The following KDM5B variants were observed in gnomAD, a reference collection of about 807,000 sequenced individuals.
KDM5B encodes lysine demethylase 5B.
KDM5B carries 144 observed loss-of-function variants against 193.4 expected under a neutral mutation model. The ratio of observed to expected loss-of-function variants is 0.74; its 90% confidence interval spans 0.65 to 0.86. The LOEUF (loss-of-function observed/expected upper bound fraction) is 0.86, where lower values mean the gene tolerates loss of function less well. Ranked by LOEUF, KDM5B falls within the 40% of genes least tolerant of loss-of-function variation. KDM5B has a pLI of 0.00. For missense variants in KDM5B, 1,833 were observed against 1,886.9 expected, an observed-to-expected ratio of 0.97 and a Z score of 0.53; for synonymous variants, 668 against 682.6, an observed-to-expected ratio of 0.98 and a Z score of 0.33.
chr1:202,731,816 C>T lies in KDM5B; in HGVS notation c.4021+12G>A, dbSNP rs757504555. ...TACTATCCAGCCCTCAACGTAATAA[C>T]AAAATACAAACCATGGAGGGGGATA... On this transcript the variant is annotated intron_variant, in intron 24 of 26. Coordinates refer to ENST00000367265, the MANE Select transcript of KDM5B (RefSeq NM_006618.5). The T allele has an allele frequency of 3.8e-6, 6 of 1,567,944 alleles. No homozygotes were observed. In the African/African-American group the frequency reaches 8.1e-5, roughly 21 times the overall value.
At chr1:202,794,572 G>C (rs980352539) in intron 1 of KDM5B, among the ~76,000 whole-genome samples, 1 of 152,176 alleles carries the variant, frequency 6.6e-6, no homozygotes, top group African/African-American at 2.4e-5. Context: ...TCTTAGCCTA[G>C]CTATCTACTC....
chr1:202,808,111 C>T lies in KDM5B; in HGVS notation c.195G>A (p.Arg65=). 6.2e-7 allele frequency: 1 copy of T among 1,610,750 alleles called. No homozygotes were observed. Among genetic ancestry groups the T allele is most frequent in the Non-Finnish European group, 8.5e-7 (1 of 1,178,866 alleles). ...IAEQTGICKV[R]PPPDWQPPFA... ...TGCTGGCGTGACTCACCGGCGGCGG[C>T]CGCACCTTACAGATGCCAGTCTGCT... Residue 65 remains arginine, a synonymous_variant, in exon 1 of 27, where the codon CGG becomes CGA. Transcript: ENST00000367265.
intron 4 of KDM5B, 118 bp from the exon 5 acceptor site, chr1:202,767,178 C>A (rs1014135551): frequency 1.3e-6 from 2 of 1,538,722 alleles, no homozygotes; most frequent in African/African-American, 2.7e-5. Context: ...CCAGAGGCTG[C>A]ACCTCTTAAA....
At chr1:202,804,584 G>GTTTTACACTT (rs1181824446) in intron 1 of KDM5B, among the ~76,000 whole-genome samples, 1 of 152,140 alleles carries the variant, frequency 6.6e-6, no homozygotes, top group African/African-American at 2.4e-5. Flanking sequence ...AAACATTTAA[G>GTTTTACACTT]GGCAGTTTTA....
At chr1:202,758,263 A>G (rs1176381215) in intron 9 of KDM5B, 128 bp downstream of exon 9, 4 of 626,574 alleles carry the variant, frequency 6.4e-6, no homozygotes, top group Non-Finnish European at 9.9e-6. Context: ...AAACAAATTA[A>G]AGTTTCATTC....
At position 202,801,978 on chromosome 1, in the gene KDM5B, CT is replaced by C. The variant is rs541436339; in HGVS notation, c.204+6123del. ...CTCCAGTTCCCAACCTTCATTCCAT[CT>C]TTTTTTTTTTTTGAGGCTGCCAATG... On this transcript the variant is annotated intron_variant, in intron 1 of 26. Transcript: ENST00000367265. Among the ~76,000 whole-genome samples, 1,270 of 144,410 alleles carry C rather than the reference CT, an allele frequency of 8.8e-3. 6 individuals carry two copies. Among genetic ancestry groups the C allele is most frequent in the African/African-American group, 0.021 (822 of 39,620 alleles). The allele number at this position is 144,410 out of a possible 152,430, so 94.7% of individuals were successfully genotyped here. A position where few individuals can be genotyped will look rare whatever the true frequency, so the allele number is the denominator to read the frequency against.
intron 1 of KDM5B, among the ~76,000 whole-genome samples, chr1:202,778,429 A>C (rs1657052816): frequency 6.6e-6 from 1 of 152,164 alleles, no homozygotes; most frequent in South Asian, 2.1e-4. Flanking sequence ...ATAATGATGA[A>C]AGGGTCTGGA....
chr1:202,730,122 T>C, intron 25 of KDM5B, 95 bp from the exon 26 acceptor site: 1 of 1,081,622 alleles, frequency 9.2e-7, no homozygotes, highest in Non-Finnish European at 1.3e-6. Context: ...AGAAATCAGA[T>C]GATCCCCCAA....
chr1:202,729,585 A>G, intron 26 of KDM5B, 122 bp downstream of exon 26: 1 of 783,050 alleles, frequency 1.3e-6, no homozygotes, highest in Non-Finnish European at 2.0e-6. Flanking sequence ...AGGGCTGAGC[A>G]ATCCATTCAG....
At chr1:202,797,676 A>G in intron 1 of KDM5B, among the ~76,000 whole-genome samples, 1 of 152,234 alleles carries the variant, frequency 6.6e-6, no homozygotes, top group East Asian at 1.9e-4. Flanking sequence ...AAATTATGTT[A>G]GTAAGTACAA....
Position 202,802,530 on chromosome 1 carries a change from T to C in KDM5B, c.204+5572A>G, listed in dbSNP as rs530290988. 2.0e-5 allele frequency among the ~76,000 whole-genome samples: 3 copies of C among 152,216 alleles called. No individual in the cohort carries two copies. The South Asian group carries it at 6.2e-4, about 32-fold the overall frequency. ...GCCTCAGCCTCCCGAGTAGCTGGGA[T>C]TGCAGGCGCCTGCCACCATGCCCAG... is the stretch of plus-strand genomic sequence containing the variant. On this transcript the variant is annotated intron_variant, in intron 1 of 26. Coordinates refer to ENST00000367265, the MANE Select transcript of KDM5B (RefSeq NM_006618.5).
At chr1:202,769,907 C>T (rs1048382301) in intron 4 of KDM5B, among the ~76,000 whole-genome samples, 5 of 152,010 alleles carry the variant, frequency 3.3e-5, no homozygotes, top group South Asian at 2.1e-4. Flanking sequence ...ATTTGACACA[C>T]AAAAGTATGA....
rs1231700741 is a variant in KDM5B, at chr1:202,762,793, C to T, written c.824G>A (p.Ser275Asn). 4 of 1,598,616 alleles carry T rather than the reference C, an allele frequency of 2.5e-6. No homozygotes were observed. In the Admixed American group the frequency reaches 5.0e-5, roughly 20 times the overall value. Reference protein sequence around the residue: ...PKCENEKEMKSSIKQEPIERK... With the variant: ...PKCENEKEMKNSIKQEPIERK... ...CTCAATAGGTTCTTGCTTGATGCTA[C>T]TCTTCATTTCTTTCTCTGTAGGAGG... The change falls in exon 7 of 27, where the codon AGT becomes AAT. Residue 275 changes from serine to asparagine, a missense_variant. Coordinates refer to ENST00000367265, the MANE Select transcript of KDM5B (RefSeq NM_006618.5).
intron 20 of KDM5B, among the ~76,000 whole-genome samples, chr1:202,740,106 G>GA (rs1655253252): frequency 7.4e-6 from 1 of 134,366 alleles, no homozygotes; most frequent in African/African-American, 2.6e-5. Flanking sequence ...GCATGGGGCT[G>GA]ACCCCCCCCA....
chr1:202,762,633 G>A (rs1656296566), intron 7 of KDM5B, 66 bp downstream of exon 7: 1 of 898,374 alleles, frequency 1.1e-6, no homozygotes, highest in South Asian at 1.3e-5. Context: ...GGGGTAAAGG[G>A]GATTAAAGAA....
chr1:202,808,043 G>T, intron 1 of KDM5B, 59 bp downstream of exon 1: 7 of 1,556,002 alleles, frequency 4.5e-6, no homozygotes, highest in Non-Finnish European at 6.1e-6. Context: ...CCCCGGACCC[G>T]CGCGTCCCCG....
At chr1:202,740,460 A>G (rs1572712849) in intron 20 of KDM5B, among the ~76,000 whole-genome samples, 1 of 103,504 alleles carries the variant, frequency 9.7e-6, no homozygotes. Context: ...CGGGGGGCTG[A>G]CCCCCTCACC....
At chr1:202,788,007 G>A (rs1018548464) in intron 1 of KDM5B, among the ~76,000 whole-genome samples, 6 of 152,036 alleles carry the variant, frequency 3.9e-5, no homozygotes, top group African/African-American at 7.3e-5. Flanking sequence ...AAGGGTCCTC[G>A]GCCCACACCC....
At chr1:202,760,981 T>A (rs894113538) in intron 7 of KDM5B, among the ~76,000 whole-genome samples, 1 of 151,740 alleles carries the variant, frequency 6.6e-6, no homozygotes, top group Non-Finnish European at 1.5e-5. Flanking sequence ...TGAGCCCTTA[T>A]TGCACCACTG....
Sources: allele counts gnomAD v4.1 joint callset (sites outside exome capture counted in the v4.1 genomes callset), GRCh38; gene constraint gnomAD v4.1.1; transcripts MANE v1.5; gene names NCBI Gene and HGNC (gene_info 2026-07-23, HGNC 2026-07-21).